The following NFKBIZ variants were observed in gnomAD, a reference collection of about 807,000 sequenced individuals.
NFKBIZ encodes NF-kappa-B inhibitor zeta.
A neutral mutation model predicts 76.8 loss-of-function variants in NFKBIZ; 19 were observed. That is an observed-to-expected ratio of 0.25 (90% CI 0.17 to 0.36). The LOEUF (loss-of-function observed/expected upper bound fraction) is 0.36. Ranked by LOEUF, NFKBIZ falls within the 10% of genes least tolerant of loss-of-function variation. The probability of loss-of-function intolerance (pLI) is 1.00; values close to 1 mark genes in which losing one functional copy is unlikely to be tolerated. For synonymous variants in NFKBIZ, 368 were observed against 354.8 expected (o/e 1.04, Z -0.42); for missense variants, 829 against 910.9 (o/e 0.91, Z 1.16).
At chr3:101,828,615 TATATC>T (rs2107388058) in intron 1 of NFKBIZ, among the ~76,000 whole-genome samples, 2 of 152,348 alleles carry the variant, frequency 1.3e-5, no homozygotes, top group South Asian at 4.1e-4. Flanking sequence ...TATGGGAAAA[TATATC>T]AGAGTAAATT....
chr3:101,857,135 T>G lies in NFKBIZ; in HGVS notation c.1887T>G (p.Ile629Met). The G allele has an allele frequency of 6.2e-7, 1 of 1,613,710 alleles. No homozygotes were observed. The change falls in exon 10 of 12, where the codon ATT (isoleucine) becomes ATG (methionine). Residue 629 changes from isoleucine to methionine, a missense_variant. Ile to Met is a conservative substitution (Grantham distance 10). Around this residue, in one of 4 missense-constraint regions of NFKBIZ, gnomAD observed 272 missense variants for 384.2 expected, o/e 0.71. Transcript: ENST00000326172. ...LAAEEANLELIRLFLELPSCL... is the reference protein window; with the variant it reads ...LAAEEANLELMRLFLELPSCL... ...CTGAAGAAGCAAATCTGGAACTCAT[T>G]CGCCTCTTTTTGGAGCTGCCCAGTT...
chr3:101,847,571 G>A (rs114672552), upstream of NFKBIZ, among the ~76,000 whole-genome samples: 1,483 of 152,316 alleles, frequency 9.7e-3, 25 homozygotes, highest in African/African-American at 0.033. Flanking sequence ...CCTAGGCTCT[G>A]TGGTATAGTC....
intron 8 of NFKBIZ, 127 bp from the exon 9 acceptor site, chr3:101,855,606 C>A: frequency 1.6e-6 from 2 of 1,233,306 alleles, no homozygotes; most frequent in Non-Finnish European, 2.3e-6. Flanking sequence ...ATTCAGATTG[C>A]CTTACTAGTT....
chr3:101,850,060 G>A (rs1375810072), intron 1 of NFKBIZ, 143 bp downstream of exon 1: 2 of 853,156 alleles, frequency 2.3e-6, no homozygotes, highest in Non-Finnish European at 3.2e-6. Context: ...ACCACTCCCC[G>A]CCTTGCCCGG....
upstream of NFKBIZ, among the ~76,000 whole-genome samples, chr3:101,844,711 G>A (rs1454747724): frequency 6.6e-6 from 1 of 152,226 alleles, no homozygotes; most frequent in African/African-American, 2.4e-5. Flanking sequence ...AAACCAGTTT[G>A]CAGTTAAGTC....
At position 101,849,750 on chromosome 3, in the gene NFKBIZ, C is replaced by T; in HGVS notation, c.122C>T (p.Pro41Leu). 6.9e-7 allele frequency: 1 copy of T among 1,449,952 alleles called. No homozygotes were observed. The highest frequency in any genetic ancestry group is 9.0e-7 in the Non-Finnish European group (1 of 1,106,480). 89.8% of individuals were successfully genotyped at this position (1,449,952 alleles called of 1,614,324 possible). A position where few individuals can be genotyped will look rare whatever the true frequency, so the allele number is the denominator to read the frequency against. The stretch of plus-strand genomic sequence containing the variant: ...AGCTACTTCTACGGCGCGTCGCCGC[C>T]CGCCGCCGCCCCGGGCGCCTGCGAC... ...NLSYFYGASP[P>L]AAAPGACDAS... The change falls in exon 1 of 12, where the codon CCC (proline) becomes CTC (leucine). Residue 41 changes from proline (P) to leucine (L), a missense_variant. Pro to Leu is a moderately conservative substitution (Grantham distance 98, BLOSUM62 -3). Transcript: ENST00000326172.
At chr3:101,851,764 C>G (rs1388078612) in intron 1 of NFKBIZ, among the ~76,000 whole-genome samples, 1 of 152,110 alleles carries the variant, frequency 6.6e-6, no homozygotes, top group Non-Finnish European at 1.5e-5. Flanking sequence ...AAAATGTGAT[C>G]CACTCTCATG....
chr3:101,829,112 CCTGTT>C (rs937867237), intron 1 of NFKBIZ, among the ~76,000 whole-genome samples: 11 of 152,276 alleles, frequency 7.2e-5, no homozygotes, highest in African/African-American at 2.6e-4. Flanking sequence ...GATAACCCTG[CCTGTT>C]TATTTATTTG....
rs1286944243 is a variant in NFKBIZ at position 101,849,707 on chromosome 3, A to G, written c.79A>G (p.Thr27Ala). 2 of 1,431,574 alleles carry G rather than the reference A, an allele frequency of 1.4e-6. No homozygotes were observed. The highest frequency in any genetic ancestry group is 1.5e-5 in the African/African-American group (1 of 67,128). The allele number at this position is 1,431,574 out of a possible 1,614,324, so 88.7% of individuals were successfully genotyped here. A position where few individuals can be genotyped will look rare whatever the true frequency, so the allele number is the denominator to read the frequency against. ...RDAAGGCGLMTSPLNLSYFYG... is the reference protein window; with the variant it reads ...RDAAGGCGLMASPLNLSYFYG... ...CGCGGCGGGCGGCTGCGGCCTCATG[A>G]CCAGCCCGCTCAACCTGAGCTACTT... Residue 27 changes from threonine (T) to alanine (A), a missense_variant, in exon 1 of 12, where the codon ACC becomes GCC. Thr to Ala is a moderately conservative substitution (Grantham distance 58). Transcript: ENST00000326172.
chr3:101,837,939 C>G (rs1263739918), intron 2 of NFKBIZ, among the ~76,000 whole-genome samples: 1 of 152,190 alleles, frequency 6.6e-6, no homozygotes, highest in South Asian at 2.1e-4. Context: ...CAGTTTAGTA[C>G]ATCTTTAAGA....
At chr3:101,840,732 T>A (rs1228121925) in intron 2 of NFKBIZ, among the ~76,000 whole-genome samples, 1 of 152,224 alleles carries the variant, frequency 6.6e-6, no homozygotes, top group Non-Finnish European at 1.5e-5. Flanking sequence ...TGTTCAACTG[T>A]GTGACCTGAC....
Position 101,853,595 on chromosome 3 carries a change from A to G in NFKBIZ, c.1069A>G (p.Met357Val), listed in dbSNP as rs747211309. ...QRESENIANP[M>V]QTSSSVQQQN... ...GGAATCTGAGAATATTGCTAATCCC[A>G]TGCAGACTTCCTCCAGTGTTCAGCA... The change falls in exon 5 of 12, where the codon ATG becomes GTG. Residue 357 changes from methionine (M) to valine (V), a missense_variant. Physicochemically the swap from Met to Val is conservative, Grantham distance 21. This residue lies in a region of NFKBIZ where 371 missense variants were observed against 332.3 expected (regional missense o/e 1.12). Transcript: ENST00000326172. 1.5e-5 allele frequency: 24 copies of G among 1,614,104 alleles called. No homozygotes were observed. The highest frequency in any genetic ancestry group is 5.3e-5 in the African/African-American group (4 of 74,926).
chr3:101,833,280 T>C (rs1328677680), intron 2 of NFKBIZ, among the ~76,000 whole-genome samples: 2 of 152,084 alleles, frequency 1.3e-5, no homozygotes, highest in African/African-American at 2.4e-5. Context: ...GGGGATTAGG[T>C]CTTGTGAATG....
In NFKBIZ at chr3:101,857,058, C is replaced by T. The variant is rs7628891; in HGVS notation, c.1825-15C>T. On this transcript the variant is annotated splice_polypyrimidine_tract_variant and intron_variant, in intron 9 of 11. Coordinates refer to ENST00000326172, the MANE Select transcript of NFKBIZ (RefSeq NM_031419.4). ...ATTTTTTTTTTTTTTTTTCCTCCCT[C>T]TTGCCTTTGACAAGGATCGCAAAAG... The T allele has an allele frequency of 0.022, 34,172 of 1,539,284 alleles. 600 individuals are homozygous for T. The highest frequency in any genetic ancestry group is 0.024 in the Non-Finnish European group (26,473 of 1,125,160).
At chr3:101,854,716 GA>G (rs1227945826) in intron 6 of NFKBIZ, 33 bp downstream of exon 6, 1 of 1,470,118 alleles carries the variant, frequency 6.8e-7, no homozygotes. Context: ...AAATGGCAAA[GA>G]GGGGGTCATG....
At chr3:101,829,140 G>A (rs1942605802) in intron 1 of NFKBIZ, among the ~76,000 whole-genome samples, 1 of 152,126 alleles carries the variant, frequency 6.6e-6, no homozygotes, top group African/African-American at 2.4e-5. Flanking sequence ...CTCAGAATAC[G>A]GTGTATGGTC....
In NFKBIZ at chr3:101,849,746, C is replaced by G; in HGVS notation, c.118C>G (p.Pro40Ala). ...LNLSYFYGAS[P>A]PAAAPGACDA... The stretch of plus-strand genomic sequence containing the variant: ...CCTGAGCTACTTCTACGGCGCGTCG[C>G]CGCCCGCCGCCGCCCCGGGCGCCTG... Residue 40 changes from proline to alanine, a missense_variant, in exon 1 of 12, where the codon CCG becomes GCG. Around this residue, in one of 4 missense-constraint regions of NFKBIZ, gnomAD observed 181 missense variants for 175.3 expected, o/e 1.03. Transcript: ENST00000326172. 1 of 1,448,008 alleles carries G rather than the reference C, an allele frequency of 6.9e-7. No homozygotes were observed. The highest frequency in any genetic ancestry group is 9.0e-7 in the Non-Finnish European group (1 of 1,105,408). The allele number at this position is 1,448,008 out of a possible 1,614,324, so 89.7% of individuals were successfully genotyped here.
intron 11 of NFKBIZ, chr3:101,857,777 A>G (rs1560090185): frequency 2.0e-6 from 2 of 985,324 alleles, no homozygotes; most frequent in Non-Finnish European, 2.4e-6. Flanking sequence ...TGCAGATACC[A>G]AGGAAAGAGA....
intron 11 of NFKBIZ, chr3:101,857,976 G>C (rs1943075674): frequency 1.2e-6 from 1 of 824,646 alleles, no homozygotes; most frequent in South Asian, 5.7e-5. Flanking sequence ...TTCAAACCTA[G>C]AAATATTTTG....
Sources: gnomAD v4.1 joint callset for allele counts (sites outside exome capture counted in the v4.1 genomes callset) on GRCh38, gnomAD v4.1.1 for gene constraint, gnomAD v4.1.1 regional missense constraint, MANE v1.5 for transcripts, NCBI Gene and HGNC (gene_info 2026-07-23, HGNC 2026-07-21) for gene names.